KANSL1L: variants seen among roughly 807,000 people sequenced by gnomAD.
The protein encoded by KANSL1L is KAT8 regulatory NSL complex subunit 1-like protein.
In KANSL1L, 25 loss-of-function variants were observed where a neutral mutation model predicts 108.6. The ratio of observed to expected loss-of-function variants is 0.23; its 90% confidence interval spans 0.17 to 0.32. The LOEUF (loss-of-function observed/expected upper bound fraction) is 0.32, where lower values mean the gene tolerates loss of function less well. KANSL1L is among the 10% of genes least tolerant of loss of function. The probability of loss-of-function intolerance (pLI) is 1.00; values close to 1 mark genes in which losing one functional copy is unlikely to be tolerated. For synonymous variants in KANSL1L, 405 were observed against 395.1 expected, an observed-to-expected ratio of 1.03 and a Z score of -0.30; for missense variants, 1,137 against 1,125.7, an observed-to-expected ratio of 1.01 and a Z score of -0.14.
chr2:210,132,556 T>G (rs1287153495), intron 2 of KANSL1L, among the ~76,000 whole-genome samples: 1 of 152,172 alleles, frequency 6.6e-6, no homozygotes, highest in Non-Finnish European at 1.5e-5. Context: ...CCACTTAACT[T>G]TTGCTAAAAG....
intron 2 of KANSL1L, among the ~76,000 whole-genome samples, chr2:210,134,322 T>C (rs1029510906): frequency 1.3e-5 from 2 of 152,170 alleles, no homozygotes; most frequent in African/African-American, 4.8e-5. Flanking sequence ...TTTAAGCTCT[T>C]TGCCAACTAC....
intron 5 of KANSL1L, chr2:210,088,314 G>A (rs1003762184): frequency 6.6e-6 from 1 of 152,254 alleles, no homozygotes; most frequent in South Asian, 2.1e-4. Context: ...GTGAAAAGGG[G>A]TAACTTCAAG....
intron 9 of KANSL1L, chr2:210,031,141 A>G (rs915124694): frequency 3.6e-6 from 1 of 278,506 alleles, no homozygotes; most frequent in African/African-American, 2.3e-5. Flanking sequence ...ATAGAACACA[A>G]CTTTGAAGAT....
chr2:210,126,653 TA>T (rs1297006198), intron 3 of KANSL1L, among the ~76,000 whole-genome samples: 2 of 152,124 alleles, frequency 1.3e-5, no homozygotes. Flanking sequence ...CCGTCTCTAC[TA>T]AAAATACAAA....
At chr2:210,031,354 A>AT in intron 9 of KANSL1L, 67 bp downstream of exon 9, 1 of 1,136,542 alleles carries the variant, frequency 8.8e-7, no homozygotes, top group South Asian at 1.4e-5. Context: ...ATGAGAGGTT[A>AT]TTTTAAAATC....
At chr2:210,024,316 G>T in intron 13 of KANSL1L, 115 bp from the exon 14 acceptor site, 1 of 717,446 alleles carries the variant, frequency 1.4e-6, no homozygotes, top group Admixed American at 3.9e-5. Flanking sequence ...AAACAGTTTT[G>T]CCCAAAGATT....
At chr2:210,032,579 AAC>A (rs2094034024) in intron 8 of KANSL1L, 1 of 152,250 alleles carries the variant, frequency 6.6e-6, no homozygotes, top group Non-Finnish European at 1.5e-5. Context: ...CAGTCAGACT[AAC>A]AGAATCAGAG....
At chr2:210,024,436 G>GT (rs2093907307) in intron 13 of KANSL1L, among the ~76,000 whole-genome samples, 1 of 152,012 alleles carries the variant, frequency 6.6e-6, no homozygotes, top group South Asian at 2.1e-4. Flanking sequence ...GGTTATTCTT[G>GT]TTTTTTATTT....
rs1362090307 is a variant in KANSL1L, at chr2:210,044,479, A to T, written c.1756-375T>A. 2.0e-5 allele frequency among the ~76,000 whole-genome samples: 3 copies of T among 152,002 alleles called. No individual in the cohort carries two copies. ...TCCAACCATGCTGGATGGGTTCACC[A>T]ATTCAATAATGAATAAAAATGATCA... is the stretch of plus-strand genomic sequence containing the variant. On this transcript the variant is annotated intron_variant, in intron 6 of 14. Transcript: ENST00000281772. The surrounding 1 kb of genome is among the most constrained non-coding windows in gnomAD (Gnocchi z 4.2).
At chr2:210,145,883 G>A (rs948766218) in intron 2 of KANSL1L, among the ~76,000 whole-genome samples, 4 of 152,148 alleles carry the variant, frequency 2.6e-5, no homozygotes, top group Admixed American at 6.5e-5. Flanking sequence ...ATGGAGCCAA[G>A]GCCTGGTGTG....
At position 210,160,170 on chromosome 2, in the gene KANSL1L, G is replaced by A. The variant is rs557516505; in HGVS notation, c.-29-5559C>T. ...TGAGAAAAACTCAGCAAATTAGGAA[G>A]GAGAGGGAATGTCTTTAATCTGATA... On this transcript the variant is annotated intron_variant, in intron 1 of 14. Coordinates refer to ENST00000281772, the MANE Select transcript of KANSL1L (RefSeq NM_152519.4). Among the ~76,000 whole-genome samples the A allele has an allele frequency of 4.0e-4, 61 of 152,304 alleles. No homozygotes were observed. In the South Asian group the frequency reaches 9.1e-3, roughly 23 times the overall value.
chr2:210,028,959 C>T lies in KANSL1L; in HGVS notation c.2282G>A (p.Arg761Gln), dbSNP rs768167130. Residue 761 changes from arginine (R) to glutamine (Q), a missense_variant, in exon 11 of 15, where the codon CGA becomes CAA. Around this residue, in one of 3 missense-constraint regions of KANSL1L, gnomAD observed 575 missense variants for 567.1 expected, o/e 1.01. Coordinates refer to ENST00000281772, the MANE Select transcript of KANSL1L (RefSeq NM_152519.4). ...RIQNSSRNTA[R>Q]RRLRSESSYD... ...AGAGCTCTCACTTCTCAATCTCCGT[C>T]GTGCAGTATTCTGCAAAACAGGATT... 1.1e-5 allele frequency: 17 copies of T among 1,610,112 alleles called. No homozygotes were observed. The highest frequency in any genetic ancestry group is 3.3e-4 in the Middle Eastern group (2 of 6,060).
chr2:210,140,881 T>A (rs2095221660), intron 2 of KANSL1L, among the ~76,000 whole-genome samples: 1 of 152,204 alleles, frequency 6.6e-6, no homozygotes, highest in South Asian at 2.1e-4. Context: ...TTCCTAAGTA[T>A]GTTAGCATTT....
At chr2:210,140,431 C>T (rs1175770975) in intron 2 of KANSL1L, among the ~76,000 whole-genome samples, 3 of 152,142 alleles carry the variant, frequency 2.0e-5, no homozygotes, top group Admixed American at 6.6e-5. Flanking sequence ...TCATTGTGTG[C>T]CCGTGGCATC....
At chr2:210,119,069 A>T (rs1344181379) in intron 3 of KANSL1L, among the ~76,000 whole-genome samples, 3 of 152,094 alleles carry the variant, frequency 2.0e-5, no homozygotes, top group Non-Finnish European at 4.4e-5. Flanking sequence ...CTGTAGTTGC[A>T]GCTACTCAGG....
At chr2:210,122,406 CAA>C (rs1397908230) in intron 3 of KANSL1L, among the ~76,000 whole-genome samples, 1 of 152,116 alleles carries the variant, frequency 6.6e-6, no homozygotes, top group Non-Finnish European at 1.5e-5. Context: ...TCATTTTCAA[CAA>C]AGTTGCCAAG....
At chr2:210,122,495 C>A in intron 3 of KANSL1L, among the ~76,000 whole-genome samples, 1 of 152,066 alleles carries the variant, frequency 6.6e-6, no homozygotes, top group East Asian at 1.9e-4. Flanking sequence ...TAAAACTAGA[C>A]CCCCATTTCT....
intron 5 of KANSL1L, among the ~76,000 whole-genome samples, chr2:210,082,210 T>C (rs565073308): frequency 6.6e-6 from 1 of 152,338 alleles, no homozygotes; most frequent in East Asian, 1.9e-4. Context: ...TATTCCATTT[T>C]GATGAAATAC....
intron 9 of KANSL1L, chr2:210,031,167 G>T (rs763956482): frequency 3.2e-5 from 11 of 340,572 alleles, no homozygotes; most frequent in Non-Finnish European, 5.3e-5. Context: ...CCCATCCAGG[G>T]ACTGATTGGT....
Sources: gnomAD v4.1 joint callset for allele counts (sites outside exome capture counted in the v4.1 genomes callset) on GRCh38, gnomAD v4.1.1 for gene constraint, gnomAD v4.1.1 regional missense constraint, Gnocchi (gnomAD v3.1) non-coding constraint, MANE v1.5 for transcripts, NCBI Gene and HGNC (gene_info 2026-07-23, HGNC 2026-07-21) for gene names.